THSD4: variants seen among roughly 807,000 people sequenced by gnomAD.
THSD4 encodes thrombospondin type-1 domain-containing protein 4.
THSD4 carries 69 observed loss-of-function variants against 119.0 expected under a neutral mutation model. The ratio of observed to expected loss-of-function variants is 0.58; its 90% CI spans 0.48 to 0.71. The LOEUF is 0.71. THSD4 is among the 30% of genes least tolerant of loss of function. THSD4 has a pLI of 0.00. For synonymous variants in THSD4, 524 were observed against 540.4 expected, an observed-to-expected ratio of 0.97 and a Z score of 0.42; for missense variants, 1,393 against 1,391.1, an observed-to-expected ratio of 1.00 and a Z score of -0.02.
At chr15:71,389,762 G>T (rs371360911) in intron 6 of THSD4, among the ~76,000 whole-genome samples, 2 of 149,318 alleles carry the variant, frequency 1.3e-5, no homozygotes, top group East Asian at 2.0e-4. Context: ...TATATATAAG[G>T]GTTCCAATTT....
At chr15:71,756,829 C>T (rs991693340) in intron 14 of THSD4, among the ~76,000 whole-genome samples, 7 of 152,178 alleles carry the variant, frequency 4.6e-5, no homozygotes, top group Non-Finnish European at 8.8e-5. Flanking sequence ...AAAATAAGGG[C>T]ACATTCCAAC....
At chr15:71,099,194 T>C (rs948447448) in intron 1 of THSD4, among the ~76,000 whole-genome samples, 1 of 152,214 alleles carries the variant, frequency 6.6e-6, no homozygotes, top group Admixed American at 6.5e-5. Context: ...GGAAGAGTTG[T>C]ATTGTGCATC....
At chr15:71,751,005 CA>C (rs2141180752) in intron 14 of THSD4, among the ~76,000 whole-genome samples, 1 of 152,332 alleles carries the variant, frequency 6.6e-6, no homozygotes, top group South Asian at 2.1e-4. Flanking sequence ...TGTGTCCAGA[CA>C]ATTACATCTA....
intron 7 of THSD4, among the ~76,000 whole-genome samples, chr15:71,633,093 G>T (rs2050663906): frequency 6.6e-6 from 1 of 152,112 alleles, no homozygotes; most frequent in Non-Finnish European, 1.5e-5. Context: ...TTTAGGCAAG[G>T]CAAAGTTGGT....
chr15:71,560,539 T>C (rs908688389), intron 7 of THSD4, among the ~76,000 whole-genome samples: 2 of 152,236 alleles, frequency 1.3e-5, no homozygotes, highest in South Asian at 4.1e-4. Flanking sequence ...GATTGAAGAA[T>C]GCTTAGGGGT....
intron 7 of THSD4, among the ~76,000 whole-genome samples, chr15:71,572,889 G>A (rs996036968): frequency 2.6e-5 from 4 of 152,130 alleles, no homozygotes; most frequent in Admixed American, 6.6e-5. Context: ...GGCAGGGTTA[G>A]GTATGTGCCA....
intron 5 of THSD4, among the ~76,000 whole-genome samples, chr15:71,250,559 G>C (rs12148731): frequency 6.6e-6 from 1 of 152,052 alleles, no homozygotes; most frequent in Admixed American, 6.6e-5. Flanking sequence ...ACTCAAACAT[G>C]CTCCCAATTT....
chr15:71,591,164 A>T (rs1434323413), intron 7 of THSD4, among the ~76,000 whole-genome samples: 3 of 152,048 alleles, frequency 2.0e-5, no homozygotes, highest in Non-Finnish European at 2.9e-5. Context: ...CCTCTTACCT[A>T]TTGTCACAAA....
chr15:71,359,958 T>G (rs866178104), intron 6 of THSD4, among the ~76,000 whole-genome samples: 1 of 152,262 alleles, frequency 6.6e-6, no homozygotes, highest in Non-Finnish European at 1.5e-5. Flanking sequence ...TGTCTATTGC[T>G]GTATAACAGA....
At chr15:71,562,035 A>G (rs2049130997) in intron 7 of THSD4, among the ~76,000 whole-genome samples, 2 of 152,194 alleles carry the variant, frequency 1.3e-5, no homozygotes, top group Non-Finnish European at 2.9e-5. Flanking sequence ...AGTCTAACCT[A>G]CTGATTTTAC....
chr15:71,226,982 A>C (rs569438959), intron 4 of THSD4, among the ~76,000 whole-genome samples: 1 of 152,298 alleles, frequency 6.6e-6, no homozygotes, highest in South Asian at 2.1e-4. Context: ...TCGTTTGACA[A>C]GAAGTTACCT....
chr15:71,672,059 T>C (rs1026969113), intron 8 of THSD4, among the ~76,000 whole-genome samples: 1 of 152,224 alleles, frequency 6.6e-6, no homozygotes, highest in African/African-American at 2.4e-5. Flanking sequence ...GCATTGAATC[T>C]ATAAATTACC....
In THSD4 at chr15:71,535,312, C is replaced by T. The variant is rs576478661; in HGVS notation, c.1152+123489C>T. ...CATTTTGTAGCATGTATCGATACTT[C>T]GTTGCTTTGTATTGCCAAACTATAT... On this transcript the variant is annotated intron_variant, in intron 7 of 17. Coordinates refer to ENST00000261862, the MANE Select transcript of THSD4 (RefSeq NM_024817.3). Among the ~76,000 whole-genome samples, 11 of 152,284 alleles carry T rather than the reference C, an allele frequency of 7.2e-5. No individual in the cohort carries two copies. In the East Asian group the frequency reaches 2.1e-3, roughly 29 times the overall value.
chr15:71,440,616 G>A (rs531218817), intron 7 of THSD4, among the ~76,000 whole-genome samples: 7 of 152,284 alleles, frequency 4.6e-5, no homozygotes, highest in South Asian at 2.1e-4. Context: ...ACAAGTAAAC[G>A]TGAGACTTGT....
rs374542476 is a variant in THSD4 at position 71,193,314 on chromosome 15, A to G, written c.100-21721A>G. Reference sequence around the variant, plus strand: ...TGGGGTGGTGGTAGAGACGTGGGCCATACGGAACTAGGAGCATAATTTTCA... The same window carrying G: ...TGGGGTGGTGGTAGAGACGTGGGCCGTACGGAACTAGGAGCATAATTTTCA... On this transcript the variant is annotated intron_variant, in intron 3 of 17. Transcript: ENST00000261862. Among the ~76,000 whole-genome samples, 9 of 152,342 alleles carry G rather than the reference A, an allele frequency of 5.9e-5. No homozygotes were observed. In the Middle Eastern group the frequency reaches 0.014, roughly 230 times the overall value.
chr15:71,481,160 A>C (rs1007192328), intron 7 of THSD4, among the ~76,000 whole-genome samples: 1 of 152,170 alleles, frequency 6.6e-6, no homozygotes, highest in African/African-American at 2.4e-5. Context: ...AAGCTCTAAA[A>C]AGTGAAAAAT....
intron 7 of THSD4, among the ~76,000 whole-genome samples, chr15:71,594,756 TG>T (rs761348397): frequency 6.6e-5 from 10 of 152,164 alleles, no homozygotes; most frequent in Non-Finnish European, 1.0e-4. Context: ...GTGATGTGCA[TG>T]AGGGGAAATA....
intron 6 of THSD4, among the ~76,000 whole-genome samples, chr15:71,337,551 A>G (rs1330044434): frequency 2.6e-5 from 4 of 152,236 alleles, no homozygotes; most frequent in Non-Finnish European, 4.4e-5. Context: ...GGCCTGATAA[A>G]TAGCTAAAAG....
chr15:71,748,755 T>C (rs1184654498), intron 14 of THSD4, among the ~76,000 whole-genome samples, 161 bp downstream of exon 14: 1 of 152,230 alleles, frequency 6.6e-6, no homozygotes, highest in Non-Finnish European at 1.5e-5. Flanking sequence ...TCTATCCTTA[T>C]GTGAGGACTG....
Sources: gnomAD v4.1 joint callset for allele counts (sites outside exome capture counted in the v4.1 genomes callset) on GRCh38, gnomAD v4.1.1 for gene constraint, MANE v1.5 for transcripts, NCBI Gene and HGNC (gene_info 2026-07-23, HGNC 2026-07-21) for gene names.